ZNF804A: variants seen among roughly 807,000 people sequenced by gnomAD.
ZNF804A encodes zinc finger protein 804A.
ZNF804A carries 2 observed loss-of-function variants against 16.5 expected under a neutral mutation model. That is an observed-to-expected ratio of 0.12 (90% CI 0.05 to 0.38). The LOEUF (loss-of-function observed/expected upper bound fraction) is 0.38, where lower values mean the gene tolerates loss of function less well. Among genes scored for constraint, ZNF804A ranks in the 10% least tolerant of loss-of-function variants. The pLI, the probability that ZNF804A is intolerant of heterozygous loss-of-function variation, is 0.99. For synonymous variants in ZNF804A, 534 were observed against 489.6 expected (o/e 1.09, Z -1.20); for missense variants, 1,473 against 1,390.7 (o/e 1.06, Z -0.94).
chr2:184,743,814 GA>G (rs1238355924), intron 1 of ZNF804A, among the ~76,000 whole-genome samples: 1 of 151,778 alleles, frequency 6.6e-6, no homozygotes, highest in Admixed American at 6.6e-5. Flanking sequence ...GAATAAACTG[GA>G]AATGCTATAA....
chr2:184,635,280 C>G (rs761719646), intron 1 of ZNF804A, among the ~76,000 whole-genome samples: 1 of 152,058 alleles, frequency 6.6e-6, no homozygotes, highest in Non-Finnish European at 1.5e-5. Context: ...TAAAGGATTT[C>G]CTATGGAAGT....
At chr2:184,797,378 T>G (rs1295377777) in intron 1 of ZNF804A, among the ~76,000 whole-genome samples, 1 of 152,170 alleles carries the variant, frequency 6.6e-6, no homozygotes. Context: ...CCATTATATA[T>G]TGTTCCTCTT....
chr2:184,598,944 A>C lies in ZNF804A; in HGVS notation c.-16A>C, dbSNP rs1254354502. ...GTGGAAGCGGCGGCTGCGGCGGAGGAGGCGGCGGCTGCCCCATGGAGTGTT... is the reference window on the plus strand; with the variant it reads ...GTGGAAGCGGCGGCTGCGGCGGAGGCGGCGGCGGCTGCCCCATGGAGTGTT... On this transcript the variant is annotated 5_prime_UTR_variant, in exon 1 of 4. Coordinates refer to ENST00000302277, the MANE Select transcript of ZNF804A (RefSeq NM_194250.2). 1.3e-6 allele frequency: 2 copies of C among 1,515,876 alleles called. No homozygotes were observed. Among genetic ancestry groups the C allele is most frequent in the Non-Finnish European group, 8.9e-7 (1 of 1,121,186 alleles). The allele number at this position is 1,515,876 out of a possible 1,614,324, so 93.9% of individuals were successfully genotyped here. A position where few individuals can be genotyped will look rare whatever the true frequency, so the allele number is the denominator to read the frequency against.
At chr2:184,881,423 C>T (rs987467748) in intron 2 of ZNF804A, among the ~76,000 whole-genome samples, 2 of 151,784 alleles carry the variant, frequency 1.3e-5, no homozygotes, top group Admixed American at 6.6e-5. Flanking sequence ...ATGCAGAGAA[C>T]AAGATACTAC....
intron 1 of ZNF804A, among the ~76,000 whole-genome samples, chr2:184,786,389 A>G (rs1317281574): frequency 6.6e-6 from 1 of 152,090 alleles, no homozygotes; most frequent in East Asian, 1.9e-4. Flanking sequence ...GATATGAACT[A>G]CAGTGAAAAC....
intron 2 of ZNF804A, among the ~76,000 whole-genome samples, chr2:184,894,242 G>T (rs539844551): frequency 6.5e-4 from 99 of 151,802 alleles, no homozygotes; most frequent in Middle Eastern, 3.4e-3. Flanking sequence ...TCGGTGAAGG[G>T]GTATGCCAAC....
At chr2:184,801,591 A>G (rs916264020) in intron 1 of ZNF804A, among the ~76,000 whole-genome samples, 4 of 152,160 alleles carry the variant, frequency 2.6e-5, no homozygotes, top group Non-Finnish European at 4.4e-5. Context: ...GATCTCTCCA[A>G]AGACATTCTT....
intron 1 of ZNF804A, among the ~76,000 whole-genome samples, chr2:184,737,638 T>C (rs1391076104): frequency 6.6e-6 from 1 of 152,162 alleles, no homozygotes; most frequent in Non-Finnish European, 1.5e-5. Flanking sequence ...CTCATATTTA[T>C]TTCAAATTAT....
rs1228838440 is a variant in ZNF804A at position 184,707,682 on chromosome 2, T to C, written c.111+108612T>C. 1.1e-4 allele frequency among the ~76,000 whole-genome samples: 17 copies of C among 152,174 alleles called. No homozygotes were observed. The South Asian group carries it at 2.3e-3, about 20-fold the overall frequency. ...TATGTATGATATATTCTTTATCCAA[T>C]CCTCTATGGATGAGCATCTAGGTTG... On this transcript the variant is annotated intron_variant, in intron 1 of 3. Transcript: ENST00000302277.
chr2:184,599,088 C>CT lies in ZNF804A; in HGVS notation c.111+18_111+19insT. The CT allele has an allele frequency of 7.3e-7, 1 of 1,365,828 alleles. No individual in the cohort carries two copies. Among genetic ancestry groups the CT allele is most frequent in the South Asian group, 1.2e-5 (1 of 83,126 alleles). 84.6% of individuals were successfully genotyped at this position (1,365,828 alleles called of 1,614,324 possible). A position where few individuals can be genotyped will look rare whatever the true frequency, so the allele number is the denominator to read the frequency against. On this transcript the variant is annotated intron_variant, in intron 1 of 3. Coordinates refer to ENST00000302277, the MANE Select transcript of ZNF804A (RefSeq NM_194250.2). Reference sequence around the variant, plus strand: ...AAACTCTGGTAATCGCTTCTGTTTTCCTCTCTCTCTCTCTCATATTTAAGA... The same window carrying CT: ...AAACTCTGGTAATCGCTTCTGTTTTCTCTCTCTCTCTCTCTCATATTTAAGA...
intron 1 of ZNF804A, among the ~76,000 whole-genome samples, chr2:184,764,073 TA>T (rs1694081978): frequency 6.6e-6 from 1 of 152,140 alleles, no homozygotes; most frequent in Non-Finnish European, 1.5e-5. Flanking sequence ...AGTTTTCAAT[TA>T]TTTTTTTAAA....
rs1279583401 is a variant in ZNF804A, at chr2:184,791,159, T to A, written c.112-75210T>A. ...ACTCTGTATCTTTTTAGTGGGGAAT[T>A]TAGGCTATGTGCATCAAGGTTAAAA... On this transcript the variant is annotated intron_variant, in intron 1 of 3. Transcript: ENST00000302277. 2.0e-5 allele frequency among the ~76,000 whole-genome samples: 3 copies of A among 152,148 alleles called. No individual in the cohort carries two copies. In the East Asian group the frequency reaches 5.8e-4, roughly 29 times the overall value.
intron 1 of ZNF804A, among the ~76,000 whole-genome samples, chr2:184,658,958 C>A (rs1692124304): frequency 6.6e-6 from 1 of 152,052 alleles, no homozygotes. Context: ...CAGAATATTC[C>A]TATGGTAAAC....
rs141803296 is a variant in ZNF804A at position 184,721,230 on chromosome 2, C to T, written c.111+122160C>T. ...ACCTCAAAAACACAGTCAATAAAAA[C>T]AAAAATTAGACAAATGAGACTATAT... On this transcript the variant is annotated intron_variant, in intron 1 of 3. Coordinates refer to ENST00000302277, the MANE Select transcript of ZNF804A (RefSeq NM_194250.2). 2.4e-3 allele frequency among the ~76,000 whole-genome samples: 360 copies of T among 152,030 alleles called. 1 individual carries two copies. The highest frequency in any genetic ancestry group is 3.5e-3 in the Non-Finnish European group (240 of 67,906).
chr2:184,810,938 G>A (rs1025433209), intron 1 of ZNF804A, among the ~76,000 whole-genome samples: 1 of 152,064 alleles, frequency 6.6e-6, no homozygotes, highest in African/African-American at 2.4e-5. Flanking sequence ...ATTTTCATTA[G>A]GTGTCAAATG....
At chr2:184,857,950 T>G (rs750764187) in intron 1 of ZNF804A, among the ~76,000 whole-genome samples, 10 of 152,176 alleles carry the variant, frequency 6.6e-5, no homozygotes, top group Non-Finnish European at 1.2e-4. Flanking sequence ...TTAATTTATA[T>G]TCAAGGTAAT....
intron 2 of ZNF804A, among the ~76,000 whole-genome samples, chr2:184,900,806 G>C (rs1473403641): frequency 6.6e-6 from 1 of 152,104 alleles, no homozygotes; most frequent in Non-Finnish European, 1.5e-5. Context: ...TCCTCCGCTG[G>C]TCAGTACTGC....
intron 1 of ZNF804A, among the ~76,000 whole-genome samples, chr2:184,754,186 G>T (rs1431614457): frequency 6.6e-6 from 1 of 151,762 alleles, no homozygotes; most frequent in African/African-American, 2.4e-5. Flanking sequence ...AATAAAGTTA[G>T]GTACTCCTTG....
At chr2:184,821,073 A>G (rs1695071172) in intron 1 of ZNF804A, among the ~76,000 whole-genome samples, 1 of 152,034 alleles carries the variant, frequency 6.6e-6, no homozygotes, top group Admixed American at 6.6e-5. Flanking sequence ...TTATTTTAAA[A>G]TTCATATGGA....
Sources: gnomAD v4.1 joint callset for allele counts (sites outside exome capture counted in the v4.1 genomes callset) on GRCh38, gnomAD v4.1.1 for gene constraint, MANE v1.5 for transcripts, NCBI Gene and HGNC (gene_info 2026-07-23, HGNC 2026-07-21) for gene names.